Variants in C1orf21 observed in about 807,000 individuals in gnomAD.
The protein encoded by C1orf21 is chromosome 1 open reading frame 21.
A neutral mutation model predicts 18.7 loss-of-function variants in C1orf21; 3 were observed. The observed-to-expected ratio is 0.16, with a 90% CI of 0.07 to 0.42. The LOEUF (loss-of-function observed/expected upper bound fraction) is 0.42. Ranked by LOEUF, C1orf21 falls within the 10% of genes least tolerant of loss-of-function variation. C1orf21 has a pLI of 0.99. For missense variants in C1orf21, 104 were observed against 143.6 expected (o/e 0.72, Z 1.41); for synonymous variants, 41 against 46.4 (o/e 0.88, Z 0.47).
At chr1:184,593,043 T>C (rs1215229584) in intron 4 of C1orf21, among the ~76,000 whole-genome samples, 2 of 152,242 alleles carry the variant, frequency 1.3e-5, no homozygotes, top group Non-Finnish European at 1.5e-5. Context: ...AGCAGATATC[T>C]GATAACACAG....
intron 3 of C1orf21, chr1:184,567,299 G>A: frequency 2.1e-6 from 1 of 470,508 alleles, no homozygotes. Flanking sequence ...AGGTCCTGGA[G>A]CAGTCTGTGA....
chr1:184,393,189 A>G lies in C1orf21; in HGVS notation c.-125+5821A>G, dbSNP rs370509850. ...GACTTTATTGTCTGAATGTGTCTGA[A>G]TGAGCTTTTCCAGTACAGTATTTTA... On this transcript the variant is annotated intron_variant, in intron 1 of 5. Transcript: ENST00000235307. 3.3e-5 allele frequency among the ~76,000 whole-genome samples: 5 copies of G among 152,106 alleles called. No homozygotes were observed. In the East Asian group the frequency reaches 5.8e-4, roughly 18 times the overall value.
At chr1:184,445,739 G>A (rs1477896265) in intron 1 of C1orf21, among the ~76,000 whole-genome samples, 2 of 152,104 alleles carry the variant, frequency 1.3e-5, no homozygotes, top group Non-Finnish European at 2.9e-5. Context: ...GCATTAGTTA[G>A]CAGAGCCATG....
intron 1 of C1orf21, among the ~76,000 whole-genome samples, chr1:184,430,265 A>C (rs1041064083): frequency 4.6e-5 from 7 of 152,118 alleles, no homozygotes; most frequent in African/African-American, 1.7e-4. Flanking sequence ...ATAATACTGC[A>C]CAAAAGTGTC....
chr1:184,517,418 A>C (rs1658247169), intron 3 of C1orf21, among the ~76,000 whole-genome samples: 1 of 152,216 alleles, frequency 6.6e-6, no homozygotes, highest in South Asian at 2.1e-4. Context: ...TCACTCTCAA[A>C]TGCAAGGTCA....
Position 184,507,637 on chromosome 1 carries a change from G to A in C1orf21, c.144G>A (p.Gly48=), listed in dbSNP as rs768079549. Residue 48 remains glycine, a synonymous_variant, in exon 3 of 6, where the codon GGG becomes GGA. Transcript: ENST00000235307. ...AAGAGGTCAAATACATGAAAAATGG[G>A]GCAGAAGAAGAGCAGAAAATAGCAG... is the stretch of plus-strand genomic sequence containing the variant. ...PVEEVKYMKN[G]AEEEQKIAAR... The A allele has an allele frequency of 6.2e-7, 1 of 1,605,050 alleles. No homozygotes were observed. The highest frequency in any genetic ancestry group is 2.2e-5 in the East Asian group (1 of 44,454).
At chr1:184,571,246 G>A (rs1217693482) in intron 3 of C1orf21, among the ~76,000 whole-genome samples, 2 of 139,058 alleles carry the variant, frequency 1.4e-5, no homozygotes, top group African/African-American at 2.7e-5. Flanking sequence ...GCAGTGAGCC[G>A]AGATCCCGCC....
chr1:184,433,772 C>T lies in C1orf21; in HGVS notation c.-124-43614C>T, dbSNP rs1656813026. ...TGTAGCTAGCAGCTACCACACTGGACCAAATAGTTTTGGTCTCTTGACCTT... is the reference window on the plus strand; with the variant it reads ...TGTAGCTAGCAGCTACCACACTGGATCAAATAGTTTTGGTCTCTTGACCTT... On this transcript the variant is annotated intron_variant, in intron 1 of 5. Transcript: ENST00000235307. 2.0e-5 allele frequency among the ~76,000 whole-genome samples: 3 copies of T among 152,264 alleles called. No individual in the cohort carries two copies. The South Asian group carries it at 6.2e-4, about 32-fold the overall frequency.
At chr1:184,388,006 T>G (rs1389651309) in intron 1 of C1orf21, among the ~76,000 whole-genome samples, 1 of 152,176 alleles carries the variant, frequency 6.6e-6, no homozygotes, top group African/African-American at 2.4e-5. Context: ...GCTTGGTTAT[T>G]GTACACGAAA....
chr1:184,554,497 TA>T (rs1193244271), intron 3 of C1orf21, among the ~76,000 whole-genome samples: 1 of 152,200 alleles, frequency 6.6e-6, no homozygotes, highest in African/African-American at 2.4e-5. Context: ...TGAATTACAA[TA>T]AAAGGAAATT....
intron 2 of C1orf21, among the ~76,000 whole-genome samples, chr1:184,480,378 T>C (rs1007526728): frequency 6.6e-6 from 1 of 152,254 alleles, no homozygotes; most frequent in Non-Finnish European, 1.5e-5. Flanking sequence ...GAACTTCGAA[T>C]ACCAAATGAC....
At chr1:184,407,175 A>G (rs1420322319) in intron 1 of C1orf21, among the ~76,000 whole-genome samples, 4 of 151,982 alleles carry the variant, frequency 2.6e-5, no homozygotes, top group Non-Finnish European at 5.9e-5. Context: ...GGGTCTCACT[A>G]TGTTGCCTAG....
rs3841434 is a variant in C1orf21, at chr1:184,620,987, C to CA, written c.*1435dup. ...GCAGTCCGGGTCTGGGTTTGTCCCACAAAATCACAGGAGCACTGTATGTTC... is the reference window on the plus strand; with the variant it reads ...GCAGTCCGGGTCTGGGTTTGTCCCACAAAAATCACAGGAGCACTGTATGTTC... On this transcript the variant is annotated 3_prime_UTR_variant, in exon 6 of 6. Transcript: ENST00000235307. 9,960 of 152,632 alleles carry CA rather than the reference C, an allele frequency of 0.065. 458 individuals are homozygous for CA. The highest frequency in any genetic ancestry group is 0.12 in the African/African-American group (4,978 of 41,502). 9.5% of individuals were successfully genotyped at this position (152,632 alleles called of 1,614,324 possible). A position where few individuals can be genotyped will look rare whatever the true frequency, so the allele number is the denominator to read the frequency against.
At chr1:184,579,267 G>T (rs1659239984) in intron 3 of C1orf21, among the ~76,000 whole-genome samples, 1 of 149,524 alleles carries the variant, frequency 6.7e-6, no homozygotes, top group Non-Finnish European at 1.5e-5. Context: ...AGCCAGGCTG[G>T]TCTCAAACTC....
At chr1:184,411,000 C>T (rs912090354) in intron 1 of C1orf21, among the ~76,000 whole-genome samples, 2 of 151,878 alleles carry the variant, frequency 1.3e-5, no homozygotes, top group Admixed American at 1.3e-4. Context: ...AGAGTTGCTT[C>T]TCTCAGGAAA....
intron 3 of C1orf21, among the ~76,000 whole-genome samples, chr1:184,558,828 T>C (rs928932713): frequency 6.6e-6 from 1 of 152,252 alleles, no homozygotes; most frequent in Non-Finnish European, 1.5e-5. Flanking sequence ...AGTTGATACA[T>C]GCAAAACCAT....
chr1:184,504,562 C>G (rs1212942324), intron 2 of C1orf21, among the ~76,000 whole-genome samples: 3 of 152,182 alleles, frequency 2.0e-5, no homozygotes, highest in Non-Finnish European at 2.9e-5. Context: ...GCTGCCTTGC[C>G]TTGGGAATGT....
intron 3 of C1orf21, among the ~76,000 whole-genome samples, chr1:184,564,615 A>C (rs1659010804): frequency 6.6e-6 from 1 of 152,190 alleles, no homozygotes; most frequent in Non-Finnish European, 1.5e-5. Flanking sequence ...TAATAATAAT[A>C]ATTCTCTAAG....
At chr1:184,539,851 G>C (rs189419920) in intron 3 of C1orf21, 2 of 152,284 alleles carry the variant, frequency 1.3e-5, no homozygotes, top group East Asian at 3.9e-4. Flanking sequence ...ACCCAATGCA[G>C]AATTCTACAA....
Sources: gnomAD v4.1 joint callset for allele counts (sites outside exome capture counted in the v4.1 genomes callset) on GRCh38, gnomAD v4.1.1 for gene constraint, MANE v1.5 for transcripts, NCBI Gene and HGNC (gene_info 2026-07-23, HGNC 2026-07-21) for gene names.